Variants in SUPT16H observed in about 807,000 individuals in gnomAD.
SUPT16H encodes the protein FACT complex subunit SPT16.
In SUPT16H, 24 loss-of-function variants were observed where a neutral mutation model predicts 136.2. The ratio of observed to expected loss-of-function variants is 0.18; its 90% CI spans 0.13 to 0.25. SUPT16H has a LOEUF of 0.25. Among genes scored for constraint, SUPT16H ranks in the 10% least tolerant of loss-of-function variants. The pLI is 1.00. For missense variants in SUPT16H, 623 were observed against 1,270.2 expected, an observed-to-expected ratio of 0.49 and a Z score of 7.74; for synonymous variants, 415 against 428.2, an observed-to-expected ratio of 0.97 and a Z score of 0.38.
At position 21,369,363 on chromosome 14, in the gene SUPT16H, A is replaced by G; in HGVS notation, c.631-8T>C. The G allele has an allele frequency of 6.2e-7, 1 of 1,614,040 alleles. No individual in the cohort carries two copies. The highest frequency in any genetic ancestry group is 8.5e-7 in the Non-Finnish European group (1 of 1,179,942). On this transcript the variant is annotated splice_region_variant and splice_polypyrimidine_tract_variant and intron_variant, in intron 5 of 25. Transcript: ENST00000216297. ...TTTGCTGTGTCGAACTTTCTGTAAG[A>G]GCATCCAGAAATAAAGTAACACTTA...
At chr14:21,355,364 G>A (rs1054827877) in intron 22 of SUPT16H, among the ~76,000 whole-genome samples, 5 of 151,934 alleles carry the variant, frequency 3.3e-5, no homozygotes, top group East Asian at 1.9e-4. Flanking sequence ...ATGGTAGCAC[G>A]CGCCTGTAGT....
chr14:21,370,662 A>G (rs1436466374), intron 3 of SUPT16H, among the ~76,000 whole-genome samples, 174 bp from the exon 4 acceptor site: 1 of 152,188 alleles, frequency 6.6e-6, no homozygotes, highest in East Asian at 1.9e-4. Context: ...CCCCCAGGGT[A>G]GAGCACAGTG....
intron 18 of SUPT16H, 90 bp downstream of exon 18, chr14:21,360,325 G>A (rs1377691238): frequency 4.7e-6 from 5 of 1,068,268 alleles, no homozygotes; most frequent in African/African-American, 3.2e-5. Context: ...ACCGCGCCCA[G>A]CCCTTTCATC....
chr14:21,369,954 C>A (rs1886750810), intron 4 of SUPT16H, 58 bp from the exon 5 acceptor site: 1 of 1,581,134 alleles, frequency 6.3e-7, no homozygotes, highest in African/African-American at 1.4e-5. Context: ...AAAATAAATG[C>A]ATCTCTCCAA....
rs1430319906 is a variant in SUPT16H at position 21,363,015 on chromosome 14, G to A, written c.1511+19C>T. On this transcript the variant is annotated intron_variant, in intron 13 of 25. Transcript: ENST00000216297. ...CACAGAACCCTCAGATGATCTCACT[G>A]CTCAGTGAAAACTCTTACTTCTGAA... The A allele has an allele frequency of 6.2e-7, 1 of 1,613,924 alleles. No homozygotes were observed. Among genetic ancestry groups the A allele is most frequent in the Non-Finnish European group, 8.5e-7 (1 of 1,179,926 alleles).
intron 1 of SUPT16H, among the ~76,000 whole-genome samples, chr14:21,376,712 G>T (rs1177848155): frequency 6.6e-6 from 1 of 152,084 alleles, no homozygotes; most frequent in Non-Finnish European, 1.5e-5. Context: ...AGGAAAAAAG[G>T]CCAGTTTCAC....
intron 5 of SUPT16H, 165 bp from the exon 6 acceptor site, chr14:21,369,520 A>G: frequency 1.2e-5 from 12 of 1,003,490 alleles, no homozygotes; most frequent in Non-Finnish European, 1.7e-5. Flanking sequence ...TTGGAGAACA[A>G]TATGTAGGAC....
chr14:21,379,272 C>G (rs1360624666), intron 1 of SUPT16H, among the ~76,000 whole-genome samples: 1 of 150,760 alleles, frequency 6.6e-6, no homozygotes, highest in Non-Finnish European at 1.5e-5. Flanking sequence ...CCCATCTCTA[C>G]GAAAAATACA....
intron 3 of SUPT16H, among the ~76,000 whole-genome samples, chr14:21,370,742 T>G (rs1886768704): frequency 6.6e-6 from 1 of 151,542 alleles, no homozygotes; most frequent in Non-Finnish European, 1.5e-5. Context: ...GCCTCCCAAG[T>G]AGCTGGGACT....
In SUPT16H at chr14:21,353,830, C is replaced by A; in HGVS notation, c.2793G>T (p.Gly931=). The A allele has an allele frequency of 6.2e-7, 1 of 1,612,454 alleles. No individual in the cohort carries two copies. The highest frequency in any genetic ancestry group is 8.5e-7 in the Non-Finnish European group (1 of 1,179,522). ...GWSFLEPEGE[G]SDAEEGDSES... is the part of the protein sequence containing the mutation. ...CTGAATCCCCTTCTTCAGCATCACT[C>A]CCCTGGTGAGTTAGAGCATAATACT... Residue 931 remains glycine (G), a splice_region_variant and synonymous_variant, in exon 24 of 26, where the codon GGG becomes GGT. Transcript: ENST00000216297.
chr14:21,355,533 A>G (rs867063574), intron 22 of SUPT16H, among the ~76,000 whole-genome samples: 1,123 of 111,240 alleles, frequency 0.01, 18 homozygotes, highest in African/African-American at 0.032. Flanking sequence ...AAAAAAAAAA[A>G]AAAGAAAGAA....
intron 23 of SUPT16H, among the ~76,000 whole-genome samples, chr14:21,354,157 G>A (rs891408910): frequency 3.9e-5 from 6 of 152,172 alleles, no homozygotes; most frequent in Non-Finnish European, 8.8e-5. Flanking sequence ...TTTGCAAAAT[G>A]CCCTGAAGGA....
chr14:21,373,412 C>T lies in SUPT16H; in HGVS notation c.85G>A (p.Ala29Thr), dbSNP rs1886830247. 1 of 1,613,996 alleles carries T rather than the reference C, an allele frequency of 6.2e-7. No homozygotes were observed. The highest frequency in any genetic ancestry group is 8.5e-7 in the Non-Finnish European group (1 of 1,179,876). The change falls in exon 2 of 26, where the codon GCC (alanine) becomes ACC (threonine). Residue 29 changes from alanine to threonine, a missense_variant. By Grantham distance (58) the Ala-to-Thr change is moderately conservative. Transcript: ENST00000216297. ...SNWRKGEDEY[A>T]NVDAIVVSVG... Reference sequence around the variant, plus strand: ...GATACAACAATGGCATCAACGTTGGCATACTCATCTTCTCCTTTCTGAAAA... The same window carrying T: ...GATACAACAATGGCATCAACGTTGGTATACTCATCTTCTCCTTTCTGAAAA...
intron 1 of SUPT16H, among the ~76,000 whole-genome samples, chr14:21,379,120 G>A (rs1886965469): frequency 6.6e-6 from 1 of 152,080 alleles, no homozygotes; most frequent in Non-Finnish European, 1.5e-5. Context: ...TTGTTAATAG[G>A]GATAAAAAGT....
chr14:21,365,152 A>G lies in SUPT16H; in HGVS notation c.1047-9T>C. ...CAATTCCCATCCCAAACCTGAAAAG[A>G]AACAGATAAACATCAGCAAAAGGCT... On this transcript the variant is annotated splice_polypyrimidine_tract_variant and intron_variant, in intron 8 of 25. Coordinates refer to ENST00000216297, the MANE Select transcript of SUPT16H (RefSeq NM_007192.4). 6.2e-7 allele frequency: 1 copy of G among 1,612,244 alleles called. No homozygotes were observed. The highest frequency in any genetic ancestry group is 8.5e-7 in the Non-Finnish European group (1 of 1,178,730).
intron 5 of SUPT16H, 192 bp downstream of exon 5, chr14:21,369,557 TA>T: frequency 1.0e-6 from 1 of 981,900 alleles, no homozygotes; most frequent in Non-Finnish European, 1.5e-6. Context: ...GATTCTCAAG[TA>T]AAATAATGGG....
At chr14:21,383,697 G>C in intron 1 of SUPT16H, 165 bp downstream of exon 1, 1 of 764,354 alleles carries the variant, frequency 1.3e-6, no homozygotes, top group South Asian at 1.5e-5. Flanking sequence ...CTGTTAAGGG[G>C]CAGCGTTCGT....
At chr14:21,363,379 T>C (rs570505880) in intron 11 of SUPT16H, 51 bp from the exon 12 acceptor site, 2 of 1,605,318 alleles carry the variant, frequency 1.2e-6, no homozygotes, top group Non-Finnish European at 1.7e-6. Flanking sequence ...TTTTAGCCAA[T>C]ATTATTTAAC....
intron 1 of SUPT16H, chr14:21,383,505 C>A (rs548002741): frequency 7.2e-5 from 45 of 622,572 alleles, no homozygotes; most frequent in African/African-American, 6.8e-4. Context: ...TCTGGAGGGA[C>A]AGAGCGAGTG....
Sources: gnomAD v4.1 joint callset for allele counts (sites outside exome capture counted in the v4.1 genomes callset) on GRCh38, gnomAD v4.1.1 for gene constraint, MANE v1.5 for transcripts, NCBI Gene and HGNC (gene_info 2026-07-23, HGNC 2026-07-21) for gene names.